The following EMCN variants were observed in gnomAD, a reference collection of about 807,000 sequenced individuals.
EMCN encodes endomucin, also known as MUC-14.
In EMCN, 37 loss-of-function variants were observed where a neutral mutation model predicts 38.4. The ratio of observed to expected loss-of-function variants is 0.96; its 90% CI spans 0.74 to 1.27. The LOEUF (loss-of-function observed/expected upper bound fraction) is 1.27. EMCN is among the 50% of genes most tolerant of loss of function. The probability of loss-of-function intolerance (pLI) is 0.00; values close to 1 mark genes in which losing one functional copy is unlikely to be tolerated. For synonymous variants in EMCN, 95 were observed against 100.8 expected, an observed-to-expected ratio of 0.94 and a Z score of 0.35; for missense variants, 318 against 302.8, an observed-to-expected ratio of 1.05 and a Z score of -0.37.
chr4:100,511,401 C>T (rs1463327759), intron 1 of EMCN, among the ~76,000 whole-genome samples: 1 of 152,122 alleles, frequency 6.6e-6, no homozygotes, highest in African/African-American at 2.4e-5. Context: ...CTGTGATCTC[C>T]ATTCTCTAGT....
intron 4 of EMCN, among the ~76,000 whole-genome samples, chr4:100,451,574 A>G (rs1417952970): frequency 6.6e-6 from 1 of 151,988 alleles, no homozygotes; most frequent in African/African-American, 2.4e-5. Flanking sequence ...TGATGCACCT[A>G]ATTAGAAGCT....
At chr4:100,428,438 T>G (rs901848724) in intron 5 of EMCN, among the ~76,000 whole-genome samples, 6 of 152,182 alleles carry the variant, frequency 3.9e-5, no homozygotes, top group Admixed American at 3.9e-4. Context: ...GCTGCACATT[T>G]TCTCTTTCTC....
chr4:100,415,589 TA>T (rs1726704852), intron 10 of EMCN, among the ~76,000 whole-genome samples: 1 of 152,102 alleles, frequency 6.6e-6, no homozygotes, highest in Admixed American at 6.6e-5. Flanking sequence ...ACAACAGCAA[TA>T]ATTTAAAAAC....
chr4:100,468,704 C>T (rs1423329707), intron 3 of EMCN, among the ~76,000 whole-genome samples: 2 of 151,858 alleles, frequency 1.3e-5, no homozygotes, highest in East Asian at 3.9e-4. Context: ...GAAAGAGCTG[C>T]ACACTGAAAA....
intron 4 of EMCN, among the ~76,000 whole-genome samples, chr4:100,460,570 A>T (rs762793662): frequency 2.6e-5 from 4 of 152,188 alleles, no homozygotes; most frequent in Non-Finnish European, 4.4e-5. Context: ...TGCCTTTTAT[A>T]AAACCATCAG....
chr4:100,455,692 G>A (rs528469051), intron 4 of EMCN, among the ~76,000 whole-genome samples: 1 of 151,870 alleles, frequency 6.6e-6, no homozygotes, highest in African/African-American at 2.4e-5. Context: ...TGATTATGAT[G>A]TGCTTTGGTG....
At chr4:100,483,861 C>A (rs1193434490) in intron 1 of EMCN, among the ~76,000 whole-genome samples, 2 of 152,102 alleles carry the variant, frequency 1.3e-5, no homozygotes, top group African/African-American at 4.8e-5. Context: ...TAAAGTATCT[C>A]CTTTTCACAG....
rs186470222 is a variant in EMCN at position 100,403,075 on chromosome 4, T to A, written c.*40-4702A>T. On this transcript the variant is annotated intron_variant, in intron 11 of 11. Transcript: ENST00000296420. ...GGACCAACTTCCAGGTTCCTTTTTT[T>A]TCCTTTAAAACTTTTATTTTAGTTT... is the stretch of plus-strand genomic sequence containing the variant. Among the ~76,000 whole-genome samples, 218 of 152,254 alleles carry A rather than the reference T, an allele frequency of 1.4e-3. 1 individual carries two copies. The highest frequency in any genetic ancestry group is 5.0e-3 in the African/African-American group (206 of 41,566).
intron 5 of EMCN, among the ~76,000 whole-genome samples, chr4:100,442,000 A>G (rs562255260): frequency 1.3e-5 from 2 of 152,272 alleles, no homozygotes; most frequent in East Asian, 1.9e-4. Context: ...TAGATATGTC[A>G]TATGTATTTA....
chr4:100,443,258 A>G (rs1192640713), intron 5 of EMCN, among the ~76,000 whole-genome samples: 1 of 152,174 alleles, frequency 6.6e-6, no homozygotes, highest in African/African-American at 2.4e-5. Flanking sequence ...CCTTGCTTTC[A>G]TGTTCCTTGT....
rs1553930544 is a variant in EMCN, at chr4:100,469,646, ATG to A, written c.260-4109_260-4108del. On this transcript the variant is annotated intron_variant, in intron 3 of 11. Transcript: ENST00000296420. ...GGGGTACAGTTTTAATCTTCTGCAT[ATG>A]GCTAGCCAATTATTCCAGCTTCATT... Among the ~76,000 whole-genome samples, 18 of 151,826 alleles carry A rather than the reference ATG, an allele frequency of 1.2e-4. 2 individuals carry two copies. Among genetic ancestry groups the A allele is most frequent in the South Asian group, 8.3e-4 (4 of 4,800 alleles).
At chr4:100,424,282 G>T (rs1726984099) in intron 5 of EMCN, among the ~76,000 whole-genome samples, 1 of 152,076 alleles carries the variant, frequency 6.6e-6, no homozygotes, top group African/African-American at 2.4e-5. Flanking sequence ...GCAGTATGAA[G>T]TGCTCTATTT....
chr4:100,440,772 T>TG (rs1390351472), intron 5 of EMCN, among the ~76,000 whole-genome samples: 1 of 152,130 alleles, frequency 6.6e-6, no homozygotes, highest in Non-Finnish European at 1.5e-5. Flanking sequence ...TCTTTTCCTT[T>TG]GGGTTGACAT....
chr4:100,487,857 T>C (rs962469766), intron 1 of EMCN, among the ~76,000 whole-genome samples: 2 of 152,222 alleles, frequency 1.3e-5, no homozygotes, highest in Non-Finnish European at 2.9e-5. Flanking sequence ...GGGTACTTCT[T>C]CATAGCAGTA....
At chr4:100,477,721 C>T (rs538727268) in intron 2 of EMCN, among the ~76,000 whole-genome samples, 1 of 152,106 alleles carries the variant, frequency 6.6e-6, no homozygotes, top group African/African-American at 2.4e-5. Context: ...TTGGTAAATA[C>T]TTTCATCGTG....
intron 1 of EMCN, among the ~76,000 whole-genome samples, chr4:100,499,384 T>C (rs1729291484): frequency 6.6e-6 from 1 of 152,226 alleles, no homozygotes; most frequent in African/African-American, 2.4e-5. Flanking sequence ...ATGTCAGATG[T>C]GTTACCACAT....
intron 5 of EMCN, among the ~76,000 whole-genome samples, chr4:100,432,869 A>T (rs756918488): frequency 1.4e-4 from 21 of 152,284 alleles, no homozygotes; most frequent in South Asian, 4.1e-4. Flanking sequence ...TATATATTTA[A>T]GGTATACAAC....
chr4:100,404,319 C>T (rs113917344), intron 11 of EMCN, among the ~76,000 whole-genome samples: 1 of 152,080 alleles, frequency 6.6e-6, no homozygotes, highest in South Asian at 2.1e-4. Context: ...AAGTCCTTTC[C>T]CCACTGCTTG....
chr4:100,420,482 C>T (rs113794694), intron 8 of EMCN, among the ~76,000 whole-genome samples: 12 of 151,942 alleles, frequency 7.9e-5, no homozygotes, highest in African/African-American at 2.4e-4. Flanking sequence ...ATTATACGAC[C>T]AGGGCTGGGC....
Sources: gnomAD v4.1 joint callset for allele counts (sites outside exome capture counted in the v4.1 genomes callset) on GRCh38, gnomAD v4.1.1 for gene constraint, MANE v1.5 for transcripts, NCBI Gene and HGNC (gene_info 2026-07-23, HGNC 2026-07-21) for gene names.